The following NALF1 variants were observed in gnomAD, a reference collection of about 807,000 sequenced individuals.
The protein encoded by NALF1 is family with sequence similarity 155 member A.
In NALF1, 3 loss-of-function variants were observed where a neutral mutation model predicts 48.4. The observed-to-expected ratio is 0.06, with a 90% CI of 0.03 to 0.16. The LOEUF (loss-of-function observed/expected upper bound fraction) is 0.16, where lower values mean the gene tolerates loss of function less well. Among genes scored for constraint, NALF1 ranks in the 10% least tolerant of loss-of-function variants. The probability of loss-of-function intolerance (pLI) is 1.00; values close to 1 mark genes in which losing one functional copy is unlikely to be tolerated. For synonymous variants in NALF1, 262 were observed against 245.7 expected (o/e 1.07, Z -0.62); for missense variants, 526 against 571.5 (o/e 0.92, Z 0.81).
intron 1 of NALF1, among the ~76,000 whole-genome samples, chr13:107,781,620 C>A (rs1244325170): frequency 6.6e-6 from 1 of 151,728 alleles, no homozygotes; most frequent in Admixed American, 6.6e-5. Flanking sequence ...GCAACTCTCA[C>A]TAAATGACAG....
rs1286423651 is a variant in NALF1 at position 107,865,951 on chromosome 13, A to C, written c.646T>G (p.Trp216Gly). The C allele has an allele frequency of 1.2e-6, 2 of 1,613,662 alleles. No homozygotes were observed. Among genetic ancestry groups the C allele is most frequent in the Non-Finnish European group, 1.7e-6 (2 of 1,180,002 alleles). ...EVRSKHPTPLWNLSDFYLSFC... is the reference protein window; with the variant it reads ...EVRSKHPTPLGNLSDFYLSFC... ...GAAAGGTAAAAATCCGACAAGTTCC[A>C]GAGCGGAGTGGGATGCTTGCTCCTC... Residue 216 changes from tryptophan to glycine, a missense_variant, in exon 1 of 3, where the codon TGG becomes GGG. Around this residue, in one of 2 missense-constraint regions of NALF1, gnomAD observed 373 missense variants for 355.5 expected, o/e 1.05. Transcript: ENST00000375915.
At chr13:107,385,463 G>T (rs983772227) in intron 1 of NALF1, among the ~76,000 whole-genome samples, 1 of 145,854 alleles carries the variant, frequency 6.9e-6, no homozygotes, top group African/African-American at 2.5e-5. Context: ...TGGGGCAGGA[G>T]AATCACTTGA....
At chr13:107,314,300 C>A (rs1882102069) in intron 1 of NALF1, among the ~76,000 whole-genome samples, 1 of 152,102 alleles carries the variant, frequency 6.6e-6, no homozygotes, top group Non-Finnish European at 1.5e-5. Flanking sequence ...ACTTAATAGT[C>A]TGAATAATCT....
At chr13:107,499,009 T>C (rs923852797) in intron 1 of NALF1, among the ~76,000 whole-genome samples, 5 of 152,178 alleles carry the variant, frequency 3.3e-5, no homozygotes, top group African/African-American at 1.2e-4. Context: ...GGGTGTTCAG[T>C]ACATATCTAA....
At chr13:107,480,954 T>C (rs920763857) in intron 1 of NALF1, among the ~76,000 whole-genome samples, 5 of 151,992 alleles carry the variant, frequency 3.3e-5, no homozygotes, top group Non-Finnish European at 7.4e-5. Flanking sequence ...TCTTTAAAAA[T>C]ATTCCAAAGT....
chr13:107,715,413 G>A (rs35475208), intron 1 of NALF1, among the ~76,000 whole-genome samples: 9,692 of 152,166 alleles, frequency 0.064, 452 homozygotes, highest in South Asian at 0.14. Context: ...TGTTGATCAG[G>A]CTGGTCTTGA....
At chr13:107,346,996 TTTAAA>T in intron 1 of NALF1, among the ~76,000 whole-genome samples, 1 of 152,348 alleles carries the variant, frequency 6.6e-6, no homozygotes, top group Admixed American at 6.5e-5. Context: ...TAAATTCTGA[TTTAAA>T]TTAAAATTTT....
intron 2 of NALF1, among the ~76,000 whole-genome samples, chr13:107,197,717 G>A (rs1413797247): frequency 2.0e-5 from 3 of 152,296 alleles, no homozygotes; most frequent in South Asian, 2.1e-4. Flanking sequence ...GTGATTTTAC[G>A]TGAGGAATTT....
intron 1 of NALF1, among the ~76,000 whole-genome samples, chr13:107,460,001 C>T (rs1056591401): frequency 1.3e-5 from 2 of 152,186 alleles, no homozygotes; most frequent in African/African-American, 4.8e-5. Flanking sequence ...CTTGGCCTTC[C>T]GAAGTGCTGG....
chr13:107,786,978 C>T (rs1045689500), intron 1 of NALF1, among the ~76,000 whole-genome samples: 8 of 152,156 alleles, frequency 5.3e-5, no homozygotes, highest in African/African-American at 1.9e-4. Context: ...GAAGTAAGAG[C>T]ACTGAAGTTC....
intron 1 of NALF1, among the ~76,000 whole-genome samples, chr13:107,695,033 T>G (rs997051314): frequency 5.9e-5 from 9 of 152,088 alleles, no homozygotes; most frequent in African/African-American, 1.9e-4. Flanking sequence ...CTTCAAATGA[T>G]CCATCCACCT....
chr13:107,657,220 T>G (rs1354351908), intron 1 of NALF1, among the ~76,000 whole-genome samples: 1 of 152,084 alleles, frequency 6.6e-6, no homozygotes, highest in Non-Finnish European at 1.5e-5. Flanking sequence ...GTTTCAAACT[T>G]TTTCCTGAGC....
chr13:107,240,754 T>G (rs1224943030), intron 1 of NALF1, among the ~76,000 whole-genome samples: 1 of 152,116 alleles, frequency 6.6e-6, no homozygotes, highest in East Asian at 1.9e-4. Flanking sequence ...TTTCAAATTT[T>G]TAAGTGTTTA....
In NALF1 at chr13:107,378,708, T is replaced by C. The variant is rs186488279; in HGVS notation, c.916-167953A>G. Among the ~76,000 whole-genome samples the C allele has an allele frequency of 3.9e-5, 6 of 152,298 alleles. No individual in the cohort carries two copies. The East Asian group carries it at 1.2e-3, about 29-fold the overall frequency. ...ATTTGAAATATTTTGAGATATTGAA[T>C]ATGAAATATTGTCAAATGTATTTCC... is the stretch of plus-strand genomic sequence containing the variant. On this transcript the variant is annotated intron_variant, in intron 1 of 2. Transcript: ENST00000375915.
intron 1 of NALF1, among the ~76,000 whole-genome samples, chr13:107,280,674 A>T (rs1368056648): frequency 1.3e-5 from 2 of 152,228 alleles, no homozygotes; most frequent in African/African-American, 4.8e-5. Flanking sequence ...AAAACTCAAG[A>T]AACTTAAGAG....
At chr13:107,221,825 T>C (rs996686815) in intron 1 of NALF1, among the ~76,000 whole-genome samples, 17 of 152,190 alleles carry the variant, frequency 1.1e-4, no homozygotes, top group Non-Finnish European at 1.9e-4. Flanking sequence ...TTTTATTCTA[T>C]ACCAGTTATG....
At chr13:107,539,945 A>G (rs1356155699) in intron 1 of NALF1, among the ~76,000 whole-genome samples, 1 of 152,092 alleles carries the variant, frequency 6.6e-6, no homozygotes, top group African/African-American at 2.4e-5. Flanking sequence ...TAAAGATAGC[A>G]TAACTGTAAT....
At chr13:107,416,320 G>C (rs1195461481) in intron 1 of NALF1, among the ~76,000 whole-genome samples, 1 of 151,632 alleles carries the variant, frequency 6.6e-6, no homozygotes, top group Non-Finnish European at 1.5e-5. Context: ...CGGCCTAGAT[G>C]CAGATTTTTT....
In NALF1 at chr13:107,428,616, G is replaced by T. The variant is rs563164350; in HGVS notation, c.916-217861C>A. 2.0e-5 allele frequency among the ~76,000 whole-genome samples: 3 copies of T among 152,286 alleles called. No individual in the cohort carries two copies. The East Asian group carries it at 5.8e-4, about 29-fold the overall frequency. ...GAACAATAGGAAATGTTAGGATGGA[G>T]AGACAGTGGTGTATTGTTAAATTCT... On this transcript the variant is annotated intron_variant, in intron 1 of 2. Coordinates refer to ENST00000375915, the MANE Select transcript of NALF1 (RefSeq NM_001080396.3).
Sources: allele counts gnomAD v4.1 joint callset (sites outside exome capture counted in the v4.1 genomes callset), GRCh38; gene constraint gnomAD v4.1.1; regional missense constraint gnomAD v4.1.1; transcripts MANE v1.5; gene names NCBI Gene and HGNC (gene_info 2026-07-23, HGNC 2026-07-21).